The following KAZN variants were observed in gnomAD, a reference collection of about 807,000 sequenced individuals.
KAZN encodes the protein kazrin, periplakin interacting protein.
Under a neutral mutation model 87.4 loss-of-function variants are expected in KAZN, and 40 were observed. That is an observed-to-expected ratio of 0.46 (90% CI 0.36 to 0.60). The LOEUF is 0.60. KAZN is among the 20% of genes least tolerant of loss of function. KAZN has a pLI of 0.00. For missense variants in KAZN, 898 were observed against 1,073.9 expected, an observed-to-expected ratio of 0.84 and a Z score of 2.29; for synonymous variants, 466 against 458.3, an observed-to-expected ratio of 1.02 and a Z score of -0.22.
chr1:14,679,992 G>T (rs1640473493), intron 1 of KAZN, among the ~76,000 whole-genome samples: 4 of 152,154 alleles, frequency 2.6e-5, no homozygotes, highest in African/African-American at 9.7e-5. Flanking sequence ...GGAGAAGGTG[G>T]CTGGGGCACA....
intron 13 of KAZN, among the ~76,000 whole-genome samples, chr1:15,111,280 GT>G (rs1279692240): frequency 1.4e-4 from 20 of 141,912 alleles, no homozygotes; most frequent in Admixed American, 2.9e-4. Flanking sequence ...GTTTGTTGTT[GT>G]TGTTGTTGTT....
intron 2 of KAZN, among the ~76,000 whole-genome samples, chr1:14,972,216 GCCT>G (rs1223983590): frequency 2.4e-4 from 36 of 152,206 alleles, no homozygotes; most frequent in Non-Finnish European, 4.7e-4. Context: ...AGGTCTTCAT[GCCT>G]ACCTGGCCAT....
chr1:14,404,419 TCTGTTGCCCTTACTATCTG>T (rs1369574792), intron 2 of KAZN, among the ~76,000 whole-genome samples: 2 of 152,202 alleles, frequency 1.3e-5, no homozygotes, highest in Admixed American at 1.3e-4. Context: ...CACTGCGGAC[TCTGTTGCCCTTACTATCTG>T]CCTAAATAAT....
intron 1 of KAZN, among the ~76,000 whole-genome samples, chr1:14,165,206 A>G (rs1645799991): frequency 6.6e-6 from 1 of 151,200 alleles, no homozygotes; most frequent in Admixed American, 6.6e-5. Flanking sequence ...TCTTTAGGAC[A>G]TTGGGAGCCT....
At chr1:14,354,489 A>C (rs1342135705) in intron 2 of KAZN, among the ~76,000 whole-genome samples, 1 of 152,202 alleles carries the variant, frequency 6.6e-6, no homozygotes, top group African/African-American at 2.4e-5. Context: ...ACCCAGTACA[A>C]ATGAGCAAAA....
intron 3 of KAZN, among the ~76,000 whole-genome samples, chr1:15,036,288 CTCTGCCCTGCCCGCCCAGCTCCCT>C (rs1672286888): frequency 6.8e-6 from 1 of 147,950 alleles, no homozygotes; most frequent in African/African-American, 2.5e-5. Context: ...ACCCAGCTCC[CTCTGCCCTGCCCGCCCAGCTCCCT>C]CTGCCTAGCC....
intron 1 of KAZN, among the ~76,000 whole-genome samples, chr1:14,654,437 T>TC (rs567936186): frequency 5.3e-5 from 8 of 151,762 alleles, no homozygotes; most frequent in Admixed American, 3.3e-4. Flanking sequence ...GGTCCCTAAA[T>TC]CCCCCCGCTG....
chr1:14,363,909 G>C (rs1014413330), intron 2 of KAZN, among the ~76,000 whole-genome samples: 1 of 151,682 alleles, frequency 6.6e-6, no homozygotes, highest in Non-Finnish European at 1.5e-5. Context: ...TATTTTGCGT[G>C]TATGTGTGTA....
At chr1:14,936,748 C>G (rs949169142) in intron 1 of KAZN, among the ~76,000 whole-genome samples, 2 of 152,118 alleles carry the variant, frequency 1.3e-5, no homozygotes, top group African/African-American at 4.8e-5. Context: ...TTTTTTCTGC[C>G]TAAAACTCCT....
chr1:14,172,802 G>T (rs1272034906), intron 1 of KAZN, among the ~76,000 whole-genome samples: 2 of 152,222 alleles, frequency 1.3e-5, no homozygotes, highest in African/African-American at 4.8e-5. Flanking sequence ...CACCTTCTGG[G>T]ATTGGAATAT....
chr1:15,024,102 G>T (rs1347727657), intron 2 of KAZN, among the ~76,000 whole-genome samples: 1 of 152,116 alleles, frequency 6.6e-6, no homozygotes, highest in Non-Finnish European at 1.5e-5. Flanking sequence ...TCTGGGTCTG[G>T]AGTTCAGGGA....
intron 4 of KAZN, 79 bp downstream of exon 4, chr1:15,044,238 T>C: frequency 1.1e-5 from 5 of 467,948 alleles, no homozygotes; most frequent in African/African-American, 2.2e-5. Context: ...TGGCACCGAC[T>C]CACATCGGAG....
intron 1 of KAZN, among the ~76,000 whole-genome samples, chr1:14,613,494 T>C (rs955882275): frequency 6.6e-6 from 1 of 152,238 alleles, no homozygotes; most frequent in African/African-American, 2.4e-5. Flanking sequence ...TGATTCCTAG[T>C]GTTTTTAATG....
At chr1:14,304,506 G>A (rs1290079626) in intron 2 of KAZN, 3 of 396,930 alleles carry the variant, frequency 7.6e-6, no homozygotes, top group Non-Finnish European at 1.3e-5. Context: ...TGGAATTTTG[G>A]AAGCTTGCTA....
In KAZN at chr1:14,638,534, A is replaced by C. The variant is rs372697828; in HGVS notation, c.226+39311A>C. On this transcript the variant is annotated intron_variant, in intron 1 of 14. Transcript: ENST00000376030. Reference sequence around the variant, plus strand: ...CAGCGAGCTGAGATTGCACCACGGCACTCCAGCCTGGGCAACAGAGCAAGA... The same window carrying C: ...CAGCGAGCTGAGATTGCACCACGGCCCTCCAGCCTGGGCAACAGAGCAAGA... Among the ~76,000 whole-genome samples, 35 of 149,156 alleles carry C rather than the reference A, an allele frequency of 2.3e-4. No homozygotes were observed. In the East Asian group the frequency reaches 4.5e-3, roughly 19 times the overall value.
At chr1:15,106,565 G>C (rs1641302167) in intron 13 of KAZN, among the ~76,000 whole-genome samples, 1 of 152,148 alleles carries the variant, frequency 6.6e-6, no homozygotes, top group African/African-American at 2.4e-5. Context: ...GGGACAAATA[G>C]GGTGGGTTCT....
Position 15,005,058 on chromosome 1 carries a change from A to G in KAZN, c.419-29691A>G, listed in dbSNP as rs148782166. On this transcript the variant is annotated intron_variant, in intron 2 of 14. Coordinates refer to ENST00000376030, the MANE Select transcript of KAZN (RefSeq NM_201628.3). ...CACAGCCTCATATCCATTGGGGAGG[A>G]TAATATGCAAACCAAGCCCAGGCTG... 4.3e-3 allele frequency among the ~76,000 whole-genome samples: 660 copies of G among 152,084 alleles called. 7 individuals are homozygous for G. Among genetic ancestry groups the G allele is most frequent in the African/African-American group, 0.015 (631 of 41,468 alleles).
intron 2 of KAZN, among the ~76,000 whole-genome samples, chr1:14,419,604 A>G (rs1282002293): frequency 1.3e-5 from 2 of 152,184 alleles, no homozygotes; most frequent in African/African-American, 4.8e-5. Flanking sequence ...TGAGTGTTAC[A>G]GTTCTTAAAG....
At chr1:14,155,671 A>G (rs1019562498) in intron 1 of KAZN, among the ~76,000 whole-genome samples, 26 of 151,110 alleles carry the variant, frequency 1.7e-4, no homozygotes, top group Non-Finnish European at 2.7e-4. Context: ...TTTTTTTGAG[A>G]CAGGGTCTTG....
Sources: allele counts gnomAD v4.1 joint callset (sites outside exome capture counted in the v4.1 genomes callset), GRCh38; gene constraint gnomAD v4.1.1; transcripts MANE v1.5; gene names NCBI Gene and HGNC (gene_info 2026-07-23, HGNC 2026-07-21).